The following NEDD4L variants were observed in gnomAD, a reference collection of about 807,000 sequenced individuals.
The protein encoded by NEDD4L is NEDD4 like E3 ubiquitin protein ligase, also known as E3 ubiquitin-protein ligase NEDD4-like.
In NEDD4L, 54 loss-of-function variants were observed where a neutral mutation model predicts 148.9. The observed-to-expected ratio is 0.36, with a 90% CI of 0.29 to 0.45. The LOEUF (loss-of-function observed/expected upper bound fraction) is 0.45, where lower values mean the gene tolerates loss of function less well. Among genes scored for constraint, NEDD4L ranks in the 20% least tolerant of loss-of-function variants. NEDD4L has a pLI of 1.00. For synonymous variants in NEDD4L, 433 were observed against 440.7 expected (o/e 0.98, Z 0.22); for missense variants, 856 against 1,233.8 (o/e 0.69, Z 4.59).
intron 2 of NEDD4L, among the ~76,000 whole-genome samples, chr18:58,218,186 T>A (rs1210672964): frequency 6.6e-6 from 1 of 152,218 alleles, no homozygotes; most frequent in African/African-American, 2.4e-5. Context: ...TTTATATACT[T>A]CCTTTGCTTT....
At chr18:58,368,734 T>C (rs1316478557) in intron 22 of NEDD4L, among the ~76,000 whole-genome samples, 33 of 152,258 alleles carry the variant, frequency 2.2e-4, no homozygotes, top group Admixed American at 2.1e-3. Flanking sequence ...GTAGCTGATA[T>C]TGATGCTCTG....
At chr18:58,281,334 G>C (rs2053053487) in intron 5 of NEDD4L, among the ~76,000 whole-genome samples, 1 of 151,140 alleles carries the variant, frequency 6.6e-6, no homozygotes, top group South Asian at 2.1e-4. Context: ...AACTGGAAAG[G>C]ATAGCTGTGA....
intron 5 of NEDD4L, among the ~76,000 whole-genome samples, chr18:58,253,038 G>C (rs571995240): frequency 2.0e-5 from 3 of 152,290 alleles, no homozygotes; most frequent in African/African-American, 7.2e-5. Flanking sequence ...ATTCAGTGCA[G>C]TCATTCTCAA....
At chr18:58,135,749 C>T (rs950873120) in intron 1 of NEDD4L, among the ~76,000 whole-genome samples, 17 of 152,160 alleles carry the variant, frequency 1.1e-4, no homozygotes, top group African/African-American at 3.9e-4. Context: ...ATTCTTCATC[C>T]CTTGATTTGT....
intron 5 of NEDD4L, among the ~76,000 whole-genome samples, chr18:58,286,143 T>C (rs2053874373): frequency 6.6e-6 from 1 of 152,230 alleles, no homozygotes; most frequent in Non-Finnish European, 1.5e-5. Context: ...AATATAAATG[T>C]CATTTATTAA....
In NEDD4L at chr18:58,164,332, A is replaced by T. The variant is rs535171804; in HGVS notation, c.49-1456A>T. Among the ~76,000 whole-genome samples, 1,336 of 152,278 alleles carry T rather than the reference A, an allele frequency of 8.8e-3. 14 individuals are homozygous for T. The highest frequency in any genetic ancestry group is 0.03 in the African/African-American group (1,261 of 41,554). On this transcript the variant is annotated intron_variant, in intron 1 of 30. Coordinates refer to ENST00000400345, the MANE Select transcript of NEDD4L (RefSeq NM_001144967.3). The stretch of plus-strand genomic sequence containing the variant: ...TGAGTTTTGTCTATTAAAGCAATTG[A>T]TAAGTTACTAAAATGGCACCAAAAG...
At chr18:58,324,154 T>C (rs182365606) in intron 8 of NEDD4L, among the ~76,000 whole-genome samples, 1 of 152,252 alleles carries the variant, frequency 6.6e-6, no homozygotes, top group Non-Finnish European at 1.5e-5. Context: ...TAGAAATTTA[T>C]GAATGTTAAC....
chr18:58,214,607 T>TTG (rs59608519), intron 2 of NEDD4L, among the ~76,000 whole-genome samples: 54,871 of 144,798 alleles, frequency 0.38, 11,544 homozygotes, highest in Non-Finnish European at 0.49. Context: ...GCTGCTCGGT[T>TTG]TGTGTGTGTG....
chr18:58,129,592 T>C (rs1295497373), intron 1 of NEDD4L, among the ~76,000 whole-genome samples: 3 of 152,216 alleles, frequency 2.0e-5, no homozygotes, highest in Non-Finnish European at 4.4e-5. Context: ...CAACAAATGA[T>C]TTCATTAAGC....
chr18:58,087,731 G>A (rs1050394269), intron 1 of NEDD4L, among the ~76,000 whole-genome samples: 1 of 152,074 alleles, frequency 6.6e-6, no homozygotes, highest in Non-Finnish European at 1.5e-5. Context: ...AAAATTAGCT[G>A]GGTGTGGTGG....
chr18:58,286,304 A>C (rs767809055), intron 5 of NEDD4L, among the ~76,000 whole-genome samples: 1 of 152,232 alleles, frequency 6.6e-6, no homozygotes, highest in Non-Finnish European at 1.5e-5. Flanking sequence ...TCAAGGTTTC[A>C]GTGAGGTCAT....
intron 2 of NEDD4L, among the ~76,000 whole-genome samples, chr18:58,205,579 T>C (rs557852779): frequency 2.0e-5 from 3 of 151,630 alleles, no homozygotes; most frequent in East Asian, 3.9e-4. Context: ...AGTGTGTCAG[T>C]TGGGAGAGGG....
chr18:58,334,035 C>T, intron 12 of NEDD4L, 143 bp downstream of exon 12: 1 of 527,856 alleles, frequency 1.9e-6, no homozygotes, highest in Non-Finnish European at 3.3e-6. Context: ...GCCAATTGCC[C>T]TAGGAAAGTG....
chr18:58,212,284 A>G (rs1018072135), intron 2 of NEDD4L, among the ~76,000 whole-genome samples: 21 of 151,774 alleles, frequency 1.4e-4, no homozygotes, highest in African/African-American at 5.1e-4. Context: ...GACTCACTGT[A>G]TTAGTTCTCA....
At position 58,165,836 on chromosome 18, in the gene NEDD4L, G is replaced by T; in HGVS notation, c.97G>T (p.Ala33Ser). 1 of 1,610,282 alleles carries T rather than the reference G, an allele frequency of 6.2e-7. No homozygotes were observed. Among genetic ancestry groups the T allele is most frequent in the Non-Finnish European group, 8.5e-7 (1 of 1,178,060 alleles). ...AAAAGTTGTTTCTGGAATTGATCTC[G>T]CCAAAAAGGACATCTTTGGAGCCAG... ...RVKVVSGIDL[A>S]KKDIFGASDP... The change falls in exon 2 of 31, where the codon GCC becomes TCC. Residue 33 changes from alanine to serine, a missense_variant. Transcript: ENST00000400345.
chr18:58,065,956 C>G (rs2082569454), intron 1 of NEDD4L, among the ~76,000 whole-genome samples: 1 of 152,036 alleles, frequency 6.6e-6, no homozygotes, highest in Non-Finnish European at 1.5e-5. Context: ...GTTTAGAGTC[C>G]CAAGGTATAT....
At chr18:58,302,463 T>C (rs573407066) in intron 5 of NEDD4L, among the ~76,000 whole-genome samples, 8 of 152,330 alleles carry the variant, frequency 5.3e-5, no homozygotes, top group African/African-American at 1.7e-4. Flanking sequence ...GTTTCTCAAA[T>C]TGCACACACT....
chr18:58,118,423 T>C (rs531697501), intron 1 of NEDD4L, among the ~76,000 whole-genome samples: 26 of 152,232 alleles, frequency 1.7e-4, no homozygotes, highest in Non-Finnish European at 3.1e-4. Context: ...CTCATCTCTT[T>C]TATGGATATA....
chr18:58,330,972 C>T lies in NEDD4L; in HGVS notation c.990+58C>T, dbSNP rs368530914. 2.5e-5 allele frequency: 38 copies of T among 1,550,446 alleles called. No individual in the cohort carries two copies. The East Asian group carries it at 2.9e-4, about 12-fold the overall frequency. ...AGCAATGTTTTATTGTTTTTTGTTG[C>T]TTAAGGAGAATCTCTTACGTAAATA... On this transcript the variant is annotated intron_variant, in intron 11 of 30. Transcript: ENST00000400345.
Sources: gnomAD v4.1 joint callset for allele counts (sites outside exome capture counted in the v4.1 genomes callset) on GRCh38, gnomAD v4.1.1 for gene constraint, MANE v1.5 for transcripts, NCBI Gene and HGNC (gene_info 2026-07-23, HGNC 2026-07-21) for gene names.